The following SEPTIN5 variants were observed in gnomAD, a reference collection of about 807,000 sequenced individuals.
SEPTIN5 encodes septin-5.
In SEPTIN5, 16 loss-of-function variants were observed where a neutral mutation model predicts 51.2. That is an observed-to-expected ratio of 0.31 (90% confidence interval 0.21 to 0.47). The LOEUF is 0.47. Ranked by LOEUF, SEPTIN5 falls within the 20% of genes least tolerant of loss-of-function variation. The pLI is 0.99. For synonymous variants in SEPTIN5, 208 were observed against 191.2 expected, an observed-to-expected ratio of 1.09 and a Z score of -0.72; for missense variants, 376 against 500.3, an observed-to-expected ratio of 0.75 and a Z score of 2.37.
rs1935892845 is a variant in SEPTIN5 at position 19,714,911 on chromosome 22, G to A, written c.54+120G>A. 3 of 1,295,588 alleles carry A rather than the reference G, an allele frequency of 2.3e-6. No homozygotes were observed. Among genetic ancestry groups the A allele is most frequent in the Non-Finnish European group, 3.1e-6 (3 of 961,136 alleles). The allele number at this position is 1,295,588 out of a possible 1,614,324, so 80.3% of individuals were successfully genotyped here. A position where few individuals can be genotyped will look rare whatever the true frequency, so the allele number is the denominator to read the frequency against. On this transcript the variant is annotated intron_variant, in intron 2 of 11. Coordinates refer to ENST00000455784, the MANE Select transcript of SEPTIN5 (RefSeq NM_002688.6). This position sits in a 1 kb window ranked among gnomAD's most constrained non-coding sequence, Gnocchi z 5.2. ...CCGCCGGCCCTCACCCAGCCCTGTC[G>A]CGATCACCGATTGTCAGCCGGGCAG...
chr22:19,723,285 G>A lies in SEPTIN5; in HGVS notation c.*801G>A. 1.4e-6 allele frequency: 1 copy of A among 695,054 alleles called. No homozygotes were observed. Among genetic ancestry groups the A allele is most frequent in the Middle Eastern group, 2.3e-4 (1 of 4,342 alleles). 43.1% of individuals were successfully genotyped at this position (695,054 alleles called of 1,614,324 possible). ...TCTTCCGTTGTGAATGCCGCGTCCT[G>A]TCCTGGTGACAGGAGAACAATGTTG... On this transcript the variant is annotated 3_prime_UTR_variant, in exon 12 of 12. Coordinates refer to ENST00000455784, the MANE Select transcript of SEPTIN5 (RefSeq NM_002688.6).
Position 19,714,856 on chromosome 22 carries a change from C to A in SEPTIN5, c.54+65C>A, listed in dbSNP as rs563929373. ...CGGCTGTCACCCATTGTGACACTAG[C>A]GCCTTGGGCGCCCAGGCGCGACCCC... On this transcript the variant is annotated intron_variant, in intron 2 of 11. Transcript: ENST00000455784. This position sits in a 1 kb window ranked among gnomAD's most constrained non-coding sequence, Gnocchi z 5.2. 2 of 1,554,812 alleles carry A rather than the reference C, an allele frequency of 1.3e-6. No individual in the cohort carries two copies. The highest frequency in any genetic ancestry group is 1.4e-5 in the African/African-American group (1 of 72,372).
At chr22:19,721,240 C>T (rs1387010911) in intron 8 of SEPTIN5, among the ~76,000 whole-genome samples, 1 of 152,242 alleles carries the variant, frequency 6.6e-6, no homozygotes, top group African/African-American at 2.4e-5. Flanking sequence ...TTCTGAGCTC[C>T]AGGGTTGGTG....
Position 19,722,280 on chromosome 22 carries a change from C to T in SEPTIN5, c.994C>T (p.Leu332=). The T allele has an allele frequency of 6.2e-7, 1 of 1,611,486 alleles. No homozygotes were observed. Among genetic ancestry groups the T allele is most frequent in the Non-Finnish European group, 8.5e-7 (1 of 1,179,420 alleles). Residue 332 remains leucine, a synonymous_variant, in exon 11 of 12, where the codon CTG becomes TTG. Coordinates refer to ENST00000455784, the MANE Select transcript of SEPTIN5 (RefSeq NM_002688.6). ...CCGCATGGAGAGCCCCATCCCGATC[C>T]TGCCGCTGCCCACCCCGGACGCCGA... is the stretch of plus-strand genomic sequence containing the variant. The part of the protein sequence containing the change: ...DSRMESPIPI[L]PLPTPDAETE...
chr22:19,719,976 T>A, intron 4 of SEPTIN5, 84 bp downstream of exon 4: 1 of 1,600,738 alleles, frequency 6.2e-7, no homozygotes, highest in Non-Finnish European at 8.5e-7. Flanking sequence ...CAGGTCCAGC[T>A]CCCACTGTTC....
At position 19,721,699 on chromosome 22, in the gene SEPTIN5, G is replaced by A. The variant is rs111952317; in HGVS notation, c.777G>A (p.Arg259=). ...SNTVVEAKGQ[R]VRGRLYPWGI... is the part of the protein sequence containing the mutation. ...CGGTGGTGGAGGCCAAGGGGCAGCG[G>A]GTCCGGGGCCGACTGTACCCCTGGG... The change falls in exon 9 of 12, where the codon CGG becomes CGA. Residue 259 remains arginine (R), a synonymous_variant. Coordinates refer to ENST00000455784, the MANE Select transcript of SEPTIN5 (RefSeq NM_002688.6). 18 of 1,612,106 alleles carry A rather than the reference G, an allele frequency of 1.1e-5. No homozygotes were observed. Among genetic ancestry groups the A allele is most frequent in the Non-Finnish European group, 1.5e-5 (18 of 1,179,370 alleles).
chr22:19,721,913 G>A lies in SEPTIN5; in HGVS notation c.906G>A (p.Val302=), dbSNP rs774146360. The A allele has an allele frequency of 1.2e-6, 2 of 1,612,114 alleles. No homozygotes were observed. The highest frequency in any genetic ancestry group is 1.7e-6 in the Non-Finnish European group (2 of 1,179,568). Residue 302 remains valine, a synonymous_variant, in exon 10 of 12, where the codon GTG becomes GTA. Transcript: ENST00000455784. ...ACCTCAAGGACGTGACGTGCGACGT[G>A]CACTACGAGAACTACCGCGCGCACT... ...MHDLKDVTCD[V]HYENYRAHCI...
In SEPTIN5 at chr22:19,723,271, G is replaced by C. The variant is rs1471246071; in HGVS notation, c.*787G>C. 2 of 688,632 alleles carry C rather than the reference G, an allele frequency of 2.9e-6. No homozygotes were observed. The highest frequency in any genetic ancestry group is 5.3e-6 in the Non-Finnish European group (2 of 376,326). The allele number at this position is 688,632 out of a possible 1,614,324, so 42.7% of individuals were successfully genotyped here. On this transcript the variant is annotated 3_prime_UTR_variant, in exon 12 of 12. Transcript: ENST00000455784. ...ACGATGCTCCGTTTTCTTCCGTTGT[G>C]AATGCCGCGTCCTGTCCTGGTGACA...
At chr22:19,720,983 G>T in intron 8 of SEPTIN5, 114 bp downstream of exon 8, 1 of 864,326 alleles carries the variant, frequency 1.2e-6, no homozygotes, top group South Asian at 1.4e-5. Flanking sequence ...AGCCCAGTTG[G>T]GTGCAAGAGT....
At chr22:19,719,062 C>T in intron 2 of SEPTIN5, 1 of 380,610 alleles carries the variant, frequency 2.6e-6, no homozygotes, top group Non-Finnish European at 4.5e-6. Flanking sequence ...CCCCAAGGGT[C>T]TGCGGGGGCT....
chr22:19,722,257 G>A lies in SEPTIN5; in HGVS notation c.971G>A (p.Arg324His). The A allele has an allele frequency of 1.9e-6, 3 of 1,608,594 alleles. No homozygotes were observed. Among genetic ancestry groups the A allele is most frequent in the African/African-American group, 2.7e-5 (2 of 74,882 alleles). ...QMTSKLTQDS[R>H]MESPIPILPL... ...CGCAGCAAACTGACCCAGGACAGCC[G>A]CATGGAGAGCCCCATCCCGATCCTG... Residue 324 changes from arginine to histidine, a missense_variant, in exon 11 of 12, where the codon CGC (arginine) becomes CAC (histidine). Physicochemically the swap from Arg to His is conservative, Grantham distance 29. Around this residue, in one of 2 missense-constraint regions of SEPTIN5, gnomAD observed 89 missense variants for 83.3 expected, o/e 1.07. Transcript: ENST00000455784.
Position 19,722,673 on chromosome 22 carries a change from G to A in SEPTIN5, c.*189G>A, listed in dbSNP as rs1936071985. ...CTGGACCGTAGCCCCCGCCCAGCTG[G>A]CCCTCTCTGACCTTGGGGGATCAGG... is the stretch of plus-strand genomic sequence containing the variant. On this transcript the variant is annotated 3_prime_UTR_variant, in exon 12 of 12. Coordinates refer to ENST00000455784, the MANE Select transcript of SEPTIN5 (RefSeq NM_002688.6). 3 of 660,706 alleles carry A rather than the reference G, an allele frequency of 4.5e-6. No homozygotes were observed. Among genetic ancestry groups the A allele is most frequent in the Admixed American group, 2.8e-5 (1 of 35,770 alleles). 40.9% of individuals were successfully genotyped at this position (660,706 alleles called of 1,614,324 possible).
Position 19,720,686 on chromosome 22 carries a change from GGGGCCT to G in SEPTIN5, c.615+23_615+28del. The G allele has an allele frequency of 6.2e-7, 1 of 1,612,798 alleles. No individual in the cohort carries two copies. Among genetic ancestry groups the G allele is most frequent in the Non-Finnish European group, 8.5e-7 (1 of 1,179,844 alleles). ...GAGCGGGTGAGCCTGCCGTCGCACA[GGGGCCT>G]GGCCAGGGCCCTGGGGCTGAGAGTA... is the stretch of plus-strand genomic sequence containing the variant. On this transcript the variant is annotated intron_variant, in intron 7 of 11. Transcript: ENST00000455784.
chr22:19,718,530 G>C (rs1333296068), intron 2 of SEPTIN5: 1 of 1,279,814 alleles, frequency 7.8e-7, no homozygotes, highest in African/African-American at 1.5e-5. Context: ...CGCCCAGTCA[G>C]GGGGATGGCT....
chr22:19,721,777 C>T (rs985416301), intron 9 of SEPTIN5, 41 bp downstream of exon 9: 7 of 1,600,320 alleles, frequency 4.4e-6, no homozygotes, highest in African/African-American at 2.7e-5. Flanking sequence ...TGGGGGAAGG[C>T]TGTCCTGGGC....
At position 19,722,499 on chromosome 22, in the gene SEPTIN5, A is replaced by G; in HGVS notation, c.*15A>G. The stretch of plus-strand genomic sequence containing the variant: ...AGGACCAGTGACGCTCGCCGCGGAC[A>G]CACCGTCCGTCTCCGGGACGCCCTC... On this transcript the variant is annotated 3_prime_UTR_variant, in exon 12 of 12. Transcript: ENST00000455784. The G allele has an allele frequency of 1.3e-6, 2 of 1,584,318 alleles. No individual in the cohort carries two copies. Among genetic ancestry groups the G allele is most frequent in the Non-Finnish European group, 8.6e-7 (1 of 1,165,470 alleles).
At position 19,714,543 on chromosome 22, in the gene SEPTIN5, GC is replaced by G; in HGVS notation, c.-42del. 2 of 1,319,084 alleles carry G rather than the reference GC, an allele frequency of 1.5e-6. No individual in the cohort carries two copies. Among genetic ancestry groups the G allele is most frequent in the Non-Finnish European group, 9.7e-7 (1 of 1,031,764 alleles). 81.7% of individuals were successfully genotyped at this position (1,319,084 alleles called of 1,614,324 possible). A position where few individuals can be genotyped will look rare whatever the true frequency, so the allele number is the denominator to read the frequency against. On this transcript the variant is annotated 5_prime_UTR_variant, in exon 1 of 12. Transcript: ENST00000455784. The surrounding 1 kb of genome is among the most constrained non-coding windows in gnomAD (Gnocchi z 5.2). ...CTCGGCCTCCGCCGCTTGTCGTCGCGCCCCGCCCGCGAGCCCGCCCCGCACG... is the reference window on the plus strand; with the variant it reads ...CTCGGCCTCCGCCGCTTGTCGTCGCGCCCGCCCGCGAGCCCGCCCCGCACG...
In SEPTIN5 at chr22:19,718,538, G is replaced by A. The variant is rs371781958; in HGVS notation, c.55-1064G>A. On this transcript the variant is annotated intron_variant, in intron 2 of 11. Coordinates refer to ENST00000455784, the MANE Select transcript of SEPTIN5 (RefSeq NM_002688.6). ...GCCAGTTCGCCCAGTCAGGGGGATG[G>A]CTCGGTCGGCCTCGGGGGTCGACGA... 88 of 1,282,276 alleles carry A rather than the reference G, an allele frequency of 6.9e-5. No individual in the cohort carries two copies. In the African/African-American group the frequency reaches 1.3e-3, roughly 18 times the overall value. The allele number at this position is 1,282,276 out of a possible 1,614,324, so 79.4% of individuals were successfully genotyped here. A position where few individuals can be genotyped will look rare whatever the true frequency, so the allele number is the denominator to read the frequency against.
At position 19,722,219 on chromosome 22, in the gene SEPTIN5, C is replaced by A. The variant is rs1282850779; in HGVS notation, c.951-18C>A. 2.1e-6 allele frequency: 3 copies of A among 1,403,654 alleles called. No homozygotes were observed. Among genetic ancestry groups the A allele is most frequent in the Admixed American group, 2.0e-5 (1 of 49,868 alleles). The allele number at this position is 1,403,654 out of a possible 1,614,324, so 86.9% of individuals were successfully genotyped here. ...CCGGTGGCGCCGCCCCGCCCATCCT[C>A]CCCCCCGCCCCGCGCAGCAAACTGA... On this transcript the variant is annotated intron_variant, in intron 10 of 11. Transcript: ENST00000455784.
Sources: gnomAD v4.1 joint callset for allele counts (sites outside exome capture counted in the v4.1 genomes callset) on GRCh38, gnomAD v4.1.1 for gene constraint, gnomAD v4.1.1 regional missense constraint, Gnocchi (gnomAD v3.1) non-coding constraint, MANE v1.5 for transcripts, NCBI Gene and HGNC (gene_info 2026-07-23, HGNC 2026-07-21) for gene names.